Variants in SNRNP200 observed in about 807,000 individuals in gnomAD.
SNRNP200 encodes U5 small nuclear ribonucleoprotein 200 kDa helicase.
In SNRNP200, 66 loss-of-function variants were observed where a neutral mutation model predicts 255.2. The ratio of observed to expected loss-of-function variants is 0.26; its 90% CI spans 0.21 to 0.32. SNRNP200 has a LOEUF of 0.32. SNRNP200 is among the 10% of genes least tolerant of loss of function. The probability of loss-of-function intolerance (pLI) is 1.00; values close to 1 mark genes in which losing one functional copy is unlikely to be tolerated. For synonymous variants in SNRNP200, 939 were observed against 1,027.8 expected (o/e 0.91, Z 1.65); for missense variants, 1,585 against 2,749.8 (o/e 0.58, Z 9.47).
Position 96,287,771 on chromosome 2 carries a change from G to A in SNRNP200, c.3365+92C>T, listed in dbSNP as rs961183793. ...GGTCATACTTCCGATGTCAGGTCTG[G>A]AGATCAGATGCACCCTGAGGCTTTC... On this transcript the variant is annotated intron_variant, in intron 25 of 44. Coordinates refer to ENST00000323853, the MANE Select transcript of SNRNP200 (RefSeq NM_014014.5). The surrounding 1 kb of genome is among the most constrained non-coding windows in gnomAD (Gnocchi z 5.7). 2 of 1,115,712 alleles carry A rather than the reference G, an allele frequency of 1.8e-6. No homozygotes were observed. Among genetic ancestry groups the A allele is most frequent in the Non-Finnish European group, 2.8e-6 (2 of 725,920 alleles). The allele number at this position is 1,115,712 out of a possible 1,614,324, so 69.1% of individuals were successfully genotyped here.
chr2:96,284,593 G>A lies in SNRNP200; in HGVS notation c.4165-8C>T. ...GTACCAGTCCATGTATACCTGGCGG[G>A]CAGAGGAGGGAGGCAGAACAACACT... is the stretch of plus-strand genomic sequence containing the variant. On this transcript the variant is annotated splice_region_variant and splice_polypyrimidine_tract_variant and intron_variant, in intron 30 of 44. Coordinates refer to ENST00000323853, the MANE Select transcript of SNRNP200 (RefSeq NM_014014.5). 1 of 1,601,592 alleles carries A rather than the reference G, an allele frequency of 6.2e-7. No individual in the cohort carries two copies. The highest frequency in any genetic ancestry group is 2.2e-5 in the East Asian group (1 of 44,832).
chr2:96,278,406 G>T lies in SNRNP200; in HGVS notation c.5489-48C>A. ...GAGAAGCTAAAACCAGGCAGAGAAG[G>T]AGCAGAACTGCCCGGGCTCCCCTGC... On this transcript the variant is annotated intron_variant, in intron 38 of 44. Transcript: ENST00000323853. This position sits in a 1 kb window ranked among gnomAD's most constrained non-coding sequence, Gnocchi z 6.9. 6.2e-7 allele frequency: 1 copy of T among 1,613,210 alleles called. No homozygotes were observed. Among genetic ancestry groups the T allele is most frequent in the Non-Finnish European group, 8.5e-7 (1 of 1,179,668 alleles).
At position 96,278,557 on chromosome 2, in the gene SNRNP200, G is replaced by A; in HGVS notation, c.5478C>T (p.Tyr1826=). The A allele has an allele frequency of 6.2e-7, 1 of 1,614,058 alleles. No individual in the cohort carries two copies. The highest frequency in any genetic ancestry group is 8.5e-7 in the Non-Finnish European group (1 of 1,180,050). Residue 1826 remains tyrosine, a synonymous_variant, in exon 38 of 45, where the codon TAC becomes TAT. Coordinates refer to ENST00000323853, the MANE Select transcript of SNRNP200 (RefSeq NM_014014.5). The surrounding 1 kb of genome is among the most constrained non-coding windows in gnomAD (Gnocchi z 6.9). The part of the protein sequence containing the change: ...GMIAAYYYIN[Y]TTIELFSMSL... ...CATGCCGGGCCTCACCAATGGTGGTGTAGTTGATGTAATAGTAGGCGGCGA... is the reference window on the plus strand; with the variant it reads ...CATGCCGGGCCTCACCAATGGTGGTATAGTTGATGTAATAGTAGGCGGCGA...
At chr2:96,285,886 G>A (rs1346845884) in intron 29 of SNRNP200, among the ~76,000 whole-genome samples, 1 of 152,202 alleles carries the variant, frequency 6.6e-6, no homozygotes, top group African/African-American at 2.4e-5. Context: ...ATTCCTTTTA[G>A]GCTTGATGGG....
rs1323038708 is a variant in SNRNP200 at position 96,274,820 on chromosome 2, C to G, written c.*192G>C. On this transcript the variant is annotated 3_prime_UTR_variant, in exon 45 of 45. Transcript: ENST00000323853. Reference sequence around the variant, plus strand: ...AATGCTATATATGATTTATGCTTGACCCATGACACCTGCTGTCACTGGATC... The same window carrying G: ...AATGCTATATATGATTTATGCTTGAGCCATGACACCTGCTGTCACTGGATC... The G allele has an allele frequency of 1.5e-6, 1 of 663,152 alleles. No individual in the cohort carries two copies. Among genetic ancestry groups the G allele is most frequent in the Non-Finnish European group, 2.7e-6 (1 of 369,296 alleles). The allele number at this position is 663,152 out of a possible 1,614,324, so 41.1% of individuals were successfully genotyped here. A position where few individuals can be genotyped will look rare whatever the true frequency, so the allele number is the denominator to read the frequency against.
In SNRNP200 at chr2:96,298,796, A is replaced by T; in HGVS notation, c.882+19T>A. ...GCTAAGATACACTAAATATACAACT[A>T]TTGTCATCTTGGCCATACCTTCAAA... On this transcript the variant is annotated intron_variant, in intron 7 of 44. Coordinates refer to ENST00000323853, the MANE Select transcript of SNRNP200 (RefSeq NM_014014.5). 6.2e-7 allele frequency: 1 copy of T among 1,614,022 alleles called. No individual in the cohort carries two copies. Among genetic ancestry groups the T allele is most frequent in the Non-Finnish European group, 8.5e-7 (1 of 1,179,952 alleles).
At chr2:96,300,865 C>T in intron 5 of SNRNP200, 133 bp downstream of exon 5, 2 of 750,410 alleles carry the variant, frequency 2.7e-6, no homozygotes, top group South Asian at 1.5e-5. Context: ...ACATATAATG[C>T]CCAAGTCTGA....
chr2:96,283,168 C>T lies in SNRNP200; in HGVS notation c.4915+33G>A, dbSNP rs559124666. On this transcript the variant is annotated intron_variant, in intron 34 of 44. Coordinates refer to ENST00000323853, the MANE Select transcript of SNRNP200 (RefSeq NM_014014.5). The surrounding 1 kb of genome is among the most constrained non-coding windows in gnomAD (Gnocchi z 4.7). ...TTTAACACCACCACTTGGTGATACCCTTGCTATGCTCCCCTTCCGTGGCCT... is the reference window on the plus strand; with the variant it reads ...TTTAACACCACCACTTGGTGATACCTTTGCTATGCTCCCCTTCCGTGGCCT... The T allele has an allele frequency of 3.1e-6, 5 of 1,612,898 alleles. No individual in the cohort carries two copies. In the South Asian group the frequency reaches 5.5e-5, roughly 18 times the overall value.
In SNRNP200 at chr2:96,305,529, A is replaced by C. The variant is rs1275644233; in HGVS notation, c.-92T>G. The C allele has an allele frequency of 6.4e-7, 1 of 1,570,564 alleles. No individual in the cohort carries two copies. The highest frequency in any genetic ancestry group is 1.3e-5 in the African/African-American group (1 of 74,184). Reference sequence around the variant, plus strand: ...TCTCTGCTCCCGCCGCGCCGGAACGACGCAGGAAAGACGCACTGGGGAAGG... The same window carrying C: ...TCTCTGCTCCCGCCGCGCCGGAACGCCGCAGGAAAGACGCACTGGGGAAGG... On this transcript the variant is annotated 5_prime_UTR_variant, in exon 1 of 45. Coordinates refer to ENST00000323853, the MANE Select transcript of SNRNP200 (RefSeq NM_014014.5).
chr2:96,291,355 T>A lies in SNRNP200; in HGVS notation c.2421+37A>T. The A allele has an allele frequency of 8.9e-7, 1 of 1,127,816 alleles. No homozygotes were observed. Among genetic ancestry groups the A allele is most frequent in the Non-Finnish European group, 1.4e-6 (1 of 735,564 alleles). The allele number at this position is 1,127,816 out of a possible 1,614,324, so 69.9% of individuals were successfully genotyped here. A position where few individuals can be genotyped will look rare whatever the true frequency, so the allele number is the denominator to read the frequency against. On this transcript the variant is annotated intron_variant, in intron 18 of 44. Transcript: ENST00000323853. The surrounding 1 kb of genome is among the most constrained non-coding windows in gnomAD (Gnocchi z 4.2). ...GACATTGCCCATCTTCTGAAGTATGTCCCACCTGCTCCTCCAAACGCTTTG... is the reference window on the plus strand; with the variant it reads ...GACATTGCCCATCTTCTGAAGTATGACCCACCTGCTCCTCCAAACGCTTTG...
chr2:96,289,769 C>T (rs757943539), intron 21 of SNRNP200, 30 bp downstream of exon 21: 1 of 1,610,168 alleles, frequency 6.2e-7, no homozygotes, highest in South Asian at 1.1e-5. Context: ...TTTGCTGAGA[C>T]CTTTGCCTCA....
Position 96,289,906 on chromosome 2 carries a change from C to T in SNRNP200, c.2833G>A (p.Gly945Arg). The T allele has an allele frequency of 1.2e-6, 2 of 1,614,096 alleles. No individual in the cohort carries two copies. The highest frequency in any genetic ancestry group is 4.5e-5 in the East Asian group (2 of 44,882). Residue 945 changes from glycine to arginine, a missense_variant, in exon 21 of 45, where the codon GGA becomes AGA. By Grantham distance (125) the Gly-to-Arg change is moderately radical. This residue lies in a region of SNRNP200 where 719 missense variants were observed against 1,091.1 expected (regional missense o/e 0.66). Coordinates refer to ENST00000323853, the MANE Select transcript of SNRNP200 (RefSeq NM_014014.5). The stretch of plus-strand genomic sequence containing the variant: ...CGGCGCTGGTCCAGCAGGGGATCTC[C>T]CTTGAGGTCATCATGAGAGATGCCA... ...LYGISHDDLK[G>R]DPLLDQRRLD... is the part of the protein sequence containing the mutation.
chr2:96,296,964 G>A lies in SNRNP200; in HGVS notation c.1484C>T (p.Thr495Met), dbSNP rs139286118. The change falls in exon 12 of 45, where the codon ACG (threonine) becomes ATG (methionine). Residue 495 changes from threonine to methionine, a missense_variant. Physicochemically the swap from Thr to Met is moderately conservative, Grantham distance 81 (BLOSUM62 -1). Coordinates refer to ENST00000323853, the MANE Select transcript of SNRNP200 (RefSeq NM_014014.5). ...QSKLYRAALE[T>M]DENLLLCAPT... ...AGCACACAGCAGCAGATTCTCATCC[G>A]TCTCAAGGGCAGCACGGTAGAGCTT... 4.6e-5 allele frequency: 75 copies of A among 1,614,214 alleles called. No homozygotes were observed. The highest frequency in any genetic ancestry group is 3.9e-4 in the African/African-American group (29 of 75,052).
rs755716441 is a variant in SNRNP200 at position 96,275,382 on chromosome 2, G to A, written c.6175-33C>T. On this transcript the variant is annotated intron_variant, in intron 43 of 44. Coordinates refer to ENST00000323853, the MANE Select transcript of SNRNP200 (RefSeq NM_014014.5). ...GATCCAAAACCAAGAATTTCAGCAT[G>A]TAAAACTTGATGACCATAGGCAACC... The A allele has an allele frequency of 3.1e-6, 5 of 1,592,292 alleles. No individual in the cohort carries two copies. In the African/African-American group the frequency reaches 5.4e-5, roughly 17 times the overall value.
intron 5 of SNRNP200, among the ~76,000 whole-genome samples, chr2:96,300,762 CA>C (rs571776850): frequency 1.5e-3 from 201 of 136,052 alleles, no homozygotes; most frequent in African/African-American, 3.7e-3. Flanking sequence ...GACTCCGTCT[CA>C]AAAAAAAAAA....
chr2:96,290,252 T>C lies in SNRNP200; in HGVS notation c.2742+74A>G. ...CGGACGCTGCTGGCCCGCAGCACAATAGGGACCGACCCACTCCTGGTGCCT... is the reference window on the plus strand; with the variant it reads ...CGGACGCTGCTGGCCCGCAGCACAACAGGGACCGACCCACTCCTGGTGCCT... On this transcript the variant is annotated intron_variant, in intron 20 of 44. Transcript: ENST00000323853. The surrounding 1 kb of genome is among the most constrained non-coding windows in gnomAD (Gnocchi z 4.5). The C allele has an allele frequency of 3.3e-6, 5 of 1,525,236 alleles. No homozygotes were observed. The highest frequency in any genetic ancestry group is 1.1e-5 in the South Asian group (1 of 88,936). 94.5% of individuals were successfully genotyped at this position (1,525,236 alleles called of 1,614,324 possible). A position where few individuals can be genotyped will look rare whatever the true frequency, so the allele number is the denominator to read the frequency against.
intron 43 of SNRNP200, among the ~76,000 whole-genome samples, chr2:96,275,745 G>A (rs903201391): frequency 2.0e-5 from 3 of 152,246 alleles, no homozygotes; most frequent in Admixed American, 2.0e-4. Context: ...GCTCACGCCT[G>A]TAATCCCAGC....
rs558769968 is a variant in SNRNP200, at chr2:96,284,796, C to T, written c.4165-211G>A. ...TGAAGTCTCGCTCTTGTTGCCCAGG[C>T]TGGAGTGCAGTGGTGCGAACTTGGC... is the stretch of plus-strand genomic sequence containing the variant. On this transcript the variant is annotated intron_variant, in intron 30 of 44. Transcript: ENST00000323853. 3.0e-4 allele frequency: 176 copies of T among 580,192 alleles called. 1 individual carries two copies. The East Asian group carries it at 5.0e-3, about 16-fold the overall frequency. The allele number at this position is 580,192 out of a possible 1,614,324, so 35.9% of individuals were successfully genotyped here. A position where few individuals can be genotyped will look rare whatever the true frequency, so the allele number is the denominator to read the frequency against.
At chr2:96,284,947 A>G (rs2063834924) in intron 30 of SNRNP200, 1 of 595,468 alleles carries the variant, frequency 1.7e-6, no homozygotes, top group South Asian at 1.7e-5. Flanking sequence ...ACAGGGTTTC[A>G]CCATGTTGGC....
Sources: gnomAD v4.1 joint callset for allele counts (sites outside exome capture counted in the v4.1 genomes callset) on GRCh38, gnomAD v4.1.1 for gene constraint, gnomAD v4.1.1 regional missense constraint, Gnocchi (gnomAD v3.1) non-coding constraint, MANE v1.5 for transcripts, NCBI Gene and HGNC (gene_info 2026-07-23, HGNC 2026-07-21) for gene names.